GRIA1: variants seen among roughly 807,000 people sequenced by gnomAD.
GRIA1 encodes the protein glutamate receptor 1.
In GRIA1, 31 loss-of-function variants were observed where a neutral mutation model predicts 99.2. The observed-to-expected ratio is 0.31, with a 90% CI of 0.23 to 0.42. The LOEUF is 0.42. Ranked by LOEUF, GRIA1 falls within the 10% of genes least tolerant of loss-of-function variation. GRIA1 has a pLI of 1.00. For synonymous variants in GRIA1, 438 were observed against 432.4 expected, an observed-to-expected ratio of 1.01 and a Z score of -0.16; for missense variants, 782 against 1,157.5, an observed-to-expected ratio of 0.68 and a Z score of 4.71.
intron 11 of GRIA1, among the ~76,000 whole-genome samples, chr5:153,731,258 T>A (rs1761000184): frequency 6.6e-6 from 1 of 151,526 alleles, no homozygotes; most frequent in South Asian, 2.1e-4. Flanking sequence ...CTTCATCTCT[T>A]TCTCCTATAT....
At chr5:153,621,552 C>G (rs1767053791) in intron 2 of GRIA1, among the ~76,000 whole-genome samples, 1 of 152,152 alleles carries the variant, frequency 6.6e-6, no homozygotes, top group Non-Finnish European at 1.5e-5. Flanking sequence ...AGAAATCTGG[C>G]AAAGAATCAA....
chr5:153,799,753 TC>T (rs1765881846), intron 14 of GRIA1, among the ~76,000 whole-genome samples: 4 of 152,052 alleles, frequency 2.6e-5, no homozygotes, highest in Admixed American at 2.6e-4. Flanking sequence ...AAAGGATGTA[TC>T]CCCCCTCACA....
chr5:153,809,400 G>T (rs1428309000), intron 15 of GRIA1, among the ~76,000 whole-genome samples: 1 of 152,172 alleles, frequency 6.6e-6, no homozygotes, highest in African/African-American at 2.4e-5. Flanking sequence ...AGTGTGGGTG[G>T]TGCATCATAT....
chr5:153,740,966 C>CTTTTTTT (rs10601141), intron 11 of GRIA1, among the ~76,000 whole-genome samples: 4 of 76,812 alleles, frequency 5.2e-5, no homozygotes, highest in South Asian at 7.3e-4. Context: ...AAGAAATTGG[C>CTTTTTTT]TTTTTTTTTT....
chr5:153,634,698 G>T (rs1354200376), intron 2 of GRIA1, among the ~76,000 whole-genome samples: 1 of 152,212 alleles, frequency 6.6e-6, no homozygotes, highest in Non-Finnish European at 1.5e-5. Context: ...GACTCTATTG[G>T]CCGAGCATTT....
At chr5:153,651,559 G>A (rs1754577237) in intron 4 of GRIA1, among the ~76,000 whole-genome samples, 1 of 152,206 alleles carries the variant, frequency 6.6e-6, no homozygotes, top group Admixed American at 6.5e-5. Flanking sequence ...AAAATTGATA[G>A]TTTTAGGTAC....
intron 2 of GRIA1, among the ~76,000 whole-genome samples, chr5:153,519,470 T>C (rs1435213572): frequency 2.6e-5 from 4 of 151,768 alleles, no homozygotes; most frequent in Admixed American, 1.3e-4. Context: ...TCTGAAGTTT[T>C]TCTGTAACTC....
chr5:153,735,973 C>T (rs1761352541), intron 11 of GRIA1, among the ~76,000 whole-genome samples: 1 of 152,160 alleles, frequency 6.6e-6, no homozygotes, highest in Non-Finnish European at 1.5e-5. Flanking sequence ...GGAACAGGCT[C>T]ATGAGTCTGG....
intron 11 of GRIA1, among the ~76,000 whole-genome samples, chr5:153,736,409 A>G (rs1272080083): frequency 6.6e-6 from 1 of 152,192 alleles, no homozygotes; most frequent in Non-Finnish European, 1.5e-5. Context: ...GAAAACTTTA[A>G]TTAAAATTCA....
At chr5:153,597,035 C>T (rs568847310) in intron 2 of GRIA1, among the ~76,000 whole-genome samples, 2 of 152,288 alleles carry the variant, frequency 1.3e-5, no homozygotes, top group Non-Finnish European at 2.9e-5. Flanking sequence ...TCTGCAGCCT[C>T]CTCTGCTAGG....
At chr5:153,698,204 G>A (rs775580362) in intron 9 of GRIA1, 50 bp downstream of exon 9, 6 of 1,010,326 alleles carry the variant, frequency 5.9e-6, no homozygotes, top group Non-Finnish European at 9.3e-6. Context: ...AGCTAGGCCA[G>A]CACAAGGGTT....
intron 2 of GRIA1, among the ~76,000 whole-genome samples, chr5:153,605,914 G>A (rs1302538992): frequency 6.6e-6 from 1 of 152,032 alleles, no homozygotes; most frequent in East Asian, 1.9e-4. Context: ...CTCTCTTAAT[G>A]GTATCTCTTG....
chr5:153,602,536 TAAAATAAAAG>T (rs1049891389), intron 2 of GRIA1, among the ~76,000 whole-genome samples: 19 of 140,452 alleles, frequency 1.4e-4, no homozygotes, highest in East Asian at 1.3e-3. Context: ...ATAATAATAA[TAAAATAAAAG>T]AAAATAAAAT....
chr5:153,732,028 T>C (rs1173395876), intron 11 of GRIA1, among the ~76,000 whole-genome samples: 2 of 152,110 alleles, frequency 1.3e-5, no homozygotes, highest in East Asian at 1.9e-4. Flanking sequence ...ATTTCACTTA[T>C]AATGCCCTCC....
At chr5:153,550,196 G>T (rs972302959) in intron 2 of GRIA1, among the ~76,000 whole-genome samples, 37 of 151,848 alleles carry the variant, frequency 2.4e-4, no homozygotes, top group Non-Finnish European at 5.0e-4. Context: ...TATGTCAGGT[G>T]TTAGGGGTAT....
At position 153,626,874 on chromosome 5, in the gene GRIA1, A is replaced by AG. The variant is rs1767681124; in HGVS notation, c.221-20051dup. Among the ~76,000 whole-genome samples the AG allele has an allele frequency of 2.0e-5, 3 of 152,332 alleles. No homozygotes were observed. In the South Asian group the frequency reaches 6.2e-4, roughly 32 times the overall value. On this transcript the variant is annotated intron_variant, in intron 2 of 15. Transcript: ENST00000285900. ...GAGACAGTAGGAAATACGATGGACA[A>AG]GGGTCAGGAGACCAGGATTTGAGCC... is the stretch of plus-strand genomic sequence containing the variant.
At chr5:153,575,903 C>A (rs1241118265) in intron 2 of GRIA1, among the ~76,000 whole-genome samples, 1 of 152,180 alleles carries the variant, frequency 6.6e-6, no homozygotes, top group Non-Finnish European at 1.5e-5. Context: ...ACCTTGTATA[C>A]AACAGGTTCT....
intron 11 of GRIA1, among the ~76,000 whole-genome samples, chr5:153,707,818 TG>T (rs1474447028): frequency 6.6e-5 from 8 of 121,684 alleles, no homozygotes; most frequent in Non-Finnish European, 1.0e-4. Flanking sequence ...AAGAAGACAG[TG>T]GGGGGTGGGG....
chr5:153,571,240 C>A (rs1396084199), intron 2 of GRIA1, among the ~76,000 whole-genome samples: 1 of 152,082 alleles, frequency 6.6e-6, no homozygotes, highest in South Asian at 2.1e-4. Context: ...GGCACTTGCC[C>A]CCAGTTGAGA....
Sources: gnomAD v4.1 joint callset for allele counts (sites outside exome capture counted in the v4.1 genomes callset) on GRCh38, gnomAD v4.1.1 for gene constraint, MANE v1.5 for transcripts, NCBI Gene and HGNC (gene_info 2026-07-23, HGNC 2026-07-21) for gene names.